CUBN: variants seen among roughly 807,000 people sequenced by gnomAD.
CUBN encodes the protein 460 kDa receptor.
A neutral mutation model predicts 405.3 loss-of-function variants in CUBN; 282 were observed. The ratio of observed to expected loss-of-function variants is 0.70; its 90% CI spans 0.63 to 0.77. The LOEUF is 0.77. Ranked by LOEUF, CUBN falls within the 30% of genes least tolerant of loss-of-function variation. CUBN has a pLI of 0.00. For missense variants in CUBN, 4,514 were observed against 4,475.2 expected, an observed-to-expected ratio of 1.01 and a Z score of -0.25; for synonymous variants, 1,684 against 1,617.0, an observed-to-expected ratio of 1.04 and a Z score of -0.99.
intron 22 of CUBN, among the ~76,000 whole-genome samples, chr10:17,059,302 T>A (rs948120929): frequency 6.6e-6 from 1 of 152,104 alleles, no homozygotes; most frequent in South Asian, 2.1e-4. Flanking sequence ...GAGAAACATC[T>A]ATAACCTTCC....
intron 22 of CUBN, 87 bp from the exon 23 acceptor site, chr10:17,047,690 G>A: frequency 8.0e-7 from 1 of 1,247,196 alleles, no homozygotes; most frequent in Non-Finnish European, 1.2e-6. Flanking sequence ...TCATTAATTT[G>A]TGCCTATACT....
intron 36 of CUBN, 84 bp from the exon 37 acceptor site, chr10:16,940,321 C>A (rs773100788): frequency 1.6e-5 from 20 of 1,289,676 alleles, no homozygotes; most frequent in Non-Finnish European, 2.2e-5. Context: ...CTAGGTTAAC[C>A]CGTTCACTTT....
intron 25 of CUBN, 65 bp from the exon 26 acceptor site, chr10:17,044,048 C>G: frequency 6.2e-6 from 8 of 1,281,672 alleles, no homozygotes; most frequent in Non-Finnish European, 8.8e-6. Flanking sequence ...GGACTATAAT[C>G]CAGAAGAAGT....
Position 16,992,883 on chromosome 10 carries a change from AC to A in CUBN, c.4169-2369del, listed in dbSNP as rs1833634476. Among the ~76,000 whole-genome samples the A allele has an allele frequency of 2.0e-5, 3 of 152,348 alleles. No individual in the cohort carries two copies. The South Asian group carries it at 6.2e-4, about 32-fold the overall frequency. On this transcript the variant is annotated intron_variant, in intron 28 of 66. Coordinates refer to ENST00000377833, the MANE Select transcript of CUBN (RefSeq NM_001081.4). Reference sequence around the variant, plus strand: ...TGATGAATCTTAAAAAAACACAAGTACCGTAAAAGATGAGAAAATATTTGTC... The same window carrying A: ...TGATGAATCTTAAAAAAACACAAGTACGTAAAAGATGAGAAAATATTTGTC...
chr10:16,933,435 C>A, intron 39 of CUBN, 151 bp from the exon 40 acceptor site: 2 of 703,368 alleles, frequency 2.8e-6, no homozygotes, highest in Admixed American at 2.6e-5. Flanking sequence ...GTATGTAACC[C>A]ACTGATTCGG....
chr10:17,115,653 T>C, intron 6 of CUBN, 56 bp from the exon 7 acceptor site: 1 of 1,580,594 alleles, frequency 6.3e-7, no homozygotes, highest in Non-Finnish European at 8.7e-7. Flanking sequence ...CCAGTGCCTG[T>C]CTCTTAATAT....
rs183684338 is a variant in CUBN, at chr10:17,048,368, G to C, written c.3140-765C>G. 1.1e-4 allele frequency among the ~76,000 whole-genome samples: 16 copies of C among 152,310 alleles called. 1 individual carries two copies. Among genetic ancestry groups the C allele is most frequent in the Middle Eastern group, 3.4e-3 (1 of 294 alleles). On this transcript the variant is annotated intron_variant, in intron 22 of 66. Transcript: ENST00000377833. ...CTTTAAAAACTTTTCTAGTTTAACA[G>C]TTTTAACGTTACCTATTCAGTCGAT...
At chr10:16,952,202 G>A (rs886899420) in intron 33 of CUBN, 74 bp downstream of exon 33, 29 of 1,020,968 alleles carry the variant, frequency 2.8e-5, no homozygotes, top group Non-Finnish European at 4.4e-5. Flanking sequence ...AGATAAGAAG[G>A]TTACTCATAG....
intron 23 of CUBN, 77 bp from the exon 24 acceptor site, chr10:17,046,171 T>C: frequency 7.3e-7 from 1 of 1,377,262 alleles, no homozygotes; most frequent in Admixed American, 1.7e-5. Flanking sequence ...AATTTGAACT[T>C]TGGGATTGCA....
intron 54 of CUBN, among the ~76,000 whole-genome samples, chr10:16,891,816 T>A (rs1841017209): frequency 6.6e-6 from 1 of 151,978 alleles, no homozygotes; most frequent in Non-Finnish European, 1.5e-5. Flanking sequence ...AGGTTTGTAG[T>A]CATTTTTCTA....
intron 22 of CUBN, among the ~76,000 whole-genome samples, chr10:17,059,056 T>C (rs1835451194): frequency 6.6e-6 from 1 of 151,676 alleles, no homozygotes; most frequent in African/African-American, 2.4e-5. Flanking sequence ...GAAAAGCACA[T>C]CTCTGAGGAT....
At chr10:17,067,451 C>A (rs1835635059) in intron 21 of CUBN, among the ~76,000 whole-genome samples, 1 of 152,080 alleles carries the variant, frequency 6.6e-6, no homozygotes, top group African/African-American at 2.4e-5. Context: ...GTAATAGGAA[C>A]TTTCCAAAGT....
At chr10:16,955,072 T>C (rs969285494) in intron 31 of CUBN, among the ~76,000 whole-genome samples, 1 of 152,150 alleles carries the variant, frequency 6.6e-6, no homozygotes, top group Non-Finnish European at 1.5e-5. Context: ...TTTAGAAAAC[T>C]ACCTCTCTCT....
chr10:16,824,396 C>T lies in CUBN; in HGVS notation c.*579G>A, dbSNP rs896831523. ...AAATGTATGTCACATATGCCATAAT[C>T]ATTTCCAACTCTTTCAAAGTTTTTT... On this transcript the variant is annotated 3_prime_UTR_variant, in exon 67 of 67. Transcript: ENST00000377833. 7 of 156,474 alleles carry T rather than the reference C, an allele frequency of 4.5e-5. No individual in the cohort carries two copies. The highest frequency in any genetic ancestry group is 1.7e-4 in the African/African-American group (7 of 41,428). 9.7% of individuals were successfully genotyped at this position (156,474 alleles called of 1,614,324 possible).
intron 27 of CUBN, chr10:17,023,785 C>T: frequency 3.0e-6 from 1 of 330,584 alleles, no homozygotes. Context: ...CTTGAATATG[C>T]AGATCTAATT....
chr10:17,045,159 C>T lies in CUBN; in HGVS notation c.3520G>A (p.Gly1174Ser), dbSNP rs374790778. The change falls in exon 25 of 67, where the codon GGC (glycine) becomes AGC (serine). Residue 1174 changes from glycine (G) to serine (S), a missense_variant. Physicochemically the swap from Gly to Ser is moderately conservative, Grantham distance 56. Transcript: ENST00000377833. Reference protein sequence around the residue: ...GCGGNLTTSSGTFISPNYPMP... With the variant: ...GCGGNLTTSSSTFISPNYPMP... ...GGGTAGTTGGGAGATATGAACGTGCCGCTTGAAGTGGTGAGATTACCCCCG... is the reference window on the plus strand; with the variant it reads ...GGGTAGTTGGGAGATATGAACGTGCTGCTTGAAGTGGTGAGATTACCCCCG... 1.1e-5 allele frequency: 18 copies of T among 1,613,540 alleles called. No individual in the cohort carries two copies. Among genetic ancestry groups the T allele is most frequent in the African/African-American group, 2.7e-5 (2 of 74,766 alleles).
At chr10:17,055,927 T>C (rs899520992) in intron 22 of CUBN, among the ~76,000 whole-genome samples, 4 of 152,084 alleles carry the variant, frequency 2.6e-5, no homozygotes, top group African/African-American at 4.8e-5. Flanking sequence ...AAAATGAATA[T>C]GGAGACACAA....
At chr10:16,952,778 T>C (rs530078265) in intron 32 of CUBN, among the ~76,000 whole-genome samples, 1 of 152,320 alleles carries the variant, frequency 6.6e-6, no homozygotes, top group African/African-American at 2.4e-5. Flanking sequence ...GAATAAGGCT[T>C]CATAAGGATG....
intron 28 of CUBN, among the ~76,000 whole-genome samples, chr10:17,017,236 G>A (rs905514603): frequency 8.5e-5 from 13 of 152,116 alleles, no homozygotes; most frequent in Middle Eastern, 3.2e-3. Context: ...ACTCACCAAC[G>A]CAGCAGCAGA....
Sources: gnomAD v4.1 joint callset for allele counts (sites outside exome capture counted in the v4.1 genomes callset) on GRCh38, gnomAD v4.1.1 for gene constraint, MANE v1.5 for transcripts, NCBI Gene and HGNC (gene_info 2026-07-23, HGNC 2026-07-21) for gene names.